FHL2: variants seen among roughly 807,000 people sequenced by gnomAD.
The protein encoded by FHL2 is four and a half LIM domains protein 2.
FHL2 carries 20 observed loss-of-function variants against 32.7 expected under a neutral mutation model. That is an observed-to-expected ratio of 0.61 (90% CI 0.43 to 0.89). The LOEUF is 0.89. FHL2 is among the 40% of genes least tolerant of loss of function. The pLI is 0.00. For synonymous variants in FHL2, 123 were observed against 128.1 expected, an observed-to-expected ratio of 0.96 and a Z score of 0.27; for missense variants, 311 against 358.6, an observed-to-expected ratio of 0.87 and a Z score of 1.07.
At chr2:105,388,004 AAC>A (rs1682446949) in intron 2 of FHL2, among the ~76,000 whole-genome samples, 1 of 152,192 alleles carries the variant, frequency 6.6e-6, no homozygotes, top group Non-Finnish European at 1.5e-5. Context: ...CTAATGCAGG[AAC>A]AGAAAGCCAA....
At chr2:105,433,328 G>C (rs567877580) in intron 1 of FHL2, among the ~76,000 whole-genome samples, 2 of 151,960 alleles carry the variant, frequency 1.3e-5, no homozygotes, top group South Asian at 4.2e-4. Context: ...TTACAGGCAC[G>C]CTCCACCATG....
At chr2:105,408,796 A>G (rs1378595716) in intron 1 of FHL2, among the ~76,000 whole-genome samples, 5 of 152,144 alleles carry the variant, frequency 3.3e-5, no homozygotes, top group African/African-American at 1.2e-4. Context: ...ATAGGGTGAC[A>G]TTTTTGGTAT....
intron 1 of FHL2, among the ~76,000 whole-genome samples, chr2:105,430,708 C>A (rs995257040): frequency 2.0e-5 from 3 of 152,160 alleles, no homozygotes; most frequent in African/African-American, 7.2e-5. Flanking sequence ...TTCCCCAGCC[C>A]TTTTGTGTAG....
intron 1 of FHL2, among the ~76,000 whole-genome samples, chr2:105,429,299 C>A (rs1158522294): frequency 3.9e-5 from 6 of 152,146 alleles, no homozygotes; most frequent in Non-Finnish European, 8.8e-5. Context: ...CATCTGAATT[C>A]CTGGAACCCA....
At chr2:105,376,146 C>A (rs999096286) in intron 3 of FHL2, 1 of 152,198 alleles carries the variant, frequency 6.6e-6, no homozygotes, top group Non-Finnish European at 1.5e-5. Context: ...CACGGCACAG[C>A]CCTGCAAGGT....
chr2:105,386,145 A>G (rs1682290812), intron 3 of FHL2: 1 of 497,940 alleles, frequency 2.0e-6, no homozygotes, highest in Non-Finnish European at 3.5e-6. Context: ...TACTAAGCAC[A>G]AAAGTCCTGG....
chr2:105,391,504 G>C (rs1270925245), intron 2 of FHL2, among the ~76,000 whole-genome samples: 1 of 152,122 alleles, frequency 6.6e-6, no homozygotes, highest in Non-Finnish European at 1.5e-5. Context: ...AGTAGGGTAG[G>C]CAGAGAGCCC....
intron 3 of FHL2, among the ~76,000 whole-genome samples, chr2:105,379,023 C>T (rs868194243): frequency 1.4e-4 from 22 of 152,112 alleles, no homozygotes; most frequent in African/African-American, 4.8e-4. Context: ...GTCAAGCGCC[C>T]GCCCCTCTGG....
downstream of FHL2, chr2:105,359,994 A>T (rs187042485): frequency 6.6e-6 from 1 of 152,306 alleles, no homozygotes; most frequent in East Asian, 1.9e-4. Context: ...ACATTCCAAG[A>T]GAAAGAGTAT....
At chr2:105,406,714 G>A (rs753643984) in intron 1 of FHL2, among the ~76,000 whole-genome samples, 2 of 152,188 alleles carry the variant, frequency 1.3e-5, no homozygotes, top group Non-Finnish European at 2.9e-5. Context: ...AAAATGATGA[G>A]GTCAGGAAAG....
chr2:105,373,423 C>G, intron 4 of FHL2, 136 bp downstream of exon 4: 2 of 844,504 alleles, frequency 2.4e-6, no homozygotes, highest in Non-Finnish European at 3.9e-6. Flanking sequence ...TCTAAATACT[C>G]CTCTGCAGTT....
At chr2:105,420,188 C>G (rs1684056808) in intron 1 of FHL2, among the ~76,000 whole-genome samples, 1 of 152,288 alleles carries the variant, frequency 6.6e-6, no homozygotes, top group Non-Finnish European at 1.5e-5. Context: ...CAGGGTTGGT[C>G]CCTTCTGAGG....
In FHL2 at chr2:105,373,778, G is replaced by T. The variant is rs771944237; in HGVS notation, c.157-45C>A. On this transcript the variant is annotated intron_variant, in intron 3 of 6. Transcript: ENST00000530340. ...AAGACAGTCAGAGGCAGGACAGGAG[G>T]GCTTGGACCCACAGCATAGGGGCCC... 19 of 1,604,888 alleles carry T rather than the reference G, an allele frequency of 1.2e-5. No homozygotes were observed. The Admixed American group carries it at 3.2e-4, about 27-fold the overall frequency.
At chr2:105,425,414 A>G (rs1684230797) in intron 1 of FHL2, among the ~76,000 whole-genome samples, 1 of 152,160 alleles carries the variant, frequency 6.6e-6, no homozygotes, top group Non-Finnish European at 1.5e-5. Flanking sequence ...TCCCCATGTG[A>G]TAGTCTGAAA....
At chr2:105,431,745 G>A (rs1052255942) in intron 1 of FHL2, among the ~76,000 whole-genome samples, 2 of 152,326 alleles carry the variant, frequency 1.3e-5, no homozygotes, top group East Asian at 3.9e-4. Context: ...AAATATGATC[G>A]CAAATTTTAA....
chr2:105,374,234 G>C, intron 3 of FHL2: 1 of 183,536 alleles, frequency 5.4e-6, no homozygotes, highest in Non-Finnish European at 1.2e-5. Flanking sequence ...GGTCAGGAGA[G>C]ACTGTGTGTG....
At chr2:105,424,756 C>T (rs1008735236) in intron 1 of FHL2, among the ~76,000 whole-genome samples, 14 of 152,158 alleles carry the variant, frequency 9.2e-5, no homozygotes, top group Non-Finnish European at 1.6e-4. Context: ...ACATTCTCAG[C>T]AAGCTAACAC....
intron 1 of FHL2, among the ~76,000 whole-genome samples, chr2:105,408,942 A>T (rs1016484537): frequency 1.3e-5 from 2 of 152,102 alleles, no homozygotes; most frequent in Non-Finnish European, 2.9e-5. Flanking sequence ...CAGGCAGCAG[A>T]GCAAGGGCAG....
In FHL2 at chr2:105,361,276, G is replaced by C; in HGVS notation, c.*7C>G. On this transcript the variant is annotated 3_prime_UTR_variant, in exon 7 of 7. Coordinates refer to ENST00000530340, the MANE Select transcript of FHL2 (RefSeq NM_001318895.3). The stretch of plus-strand genomic sequence containing the variant: ...AGATCACAAGCAGCAACTTCTCTGT[G>C]TTGAATTCAGATGTCTTTCCCACAG... The C allele has an allele frequency of 1.2e-6, 2 of 1,610,284 alleles. No individual in the cohort carries two copies. The highest frequency in any genetic ancestry group is 1.7e-6 in the Non-Finnish European group (2 of 1,178,132).
Sources: gnomAD v4.1 joint callset for allele counts (sites outside exome capture counted in the v4.1 genomes callset) on GRCh38, gnomAD v4.1.1 for gene constraint, MANE v1.5 for transcripts, NCBI Gene and HGNC (gene_info 2026-07-23, HGNC 2026-07-21) for gene names.